Variants in SLIT3 observed in about 807,000 individuals in gnomAD.
SLIT3 encodes the protein slit guidance ligand 3.
Under a neutral mutation model 184.0 loss-of-function variants are expected in SLIT3, and 68 were observed. The observed-to-expected ratio is 0.37, with a 90% confidence interval of 0.30 to 0.45. SLIT3 has a LOEUF of 0.45. SLIT3 is among the 20% of genes least tolerant of loss of function. The pLI, the probability that SLIT3 is intolerant of heterozygous loss-of-function variation, is 1.00. For missense variants in SLIT3, 1,707 were observed against 2,026.0 expected, an observed-to-expected ratio of 0.84 and a Z score of 3.02; for synonymous variants, 831 against 828.6, an observed-to-expected ratio of 1.00 and a Z score of -0.05.
intron 4 of SLIT3, among the ~76,000 whole-genome samples, chr5:168,907,494 G>A (rs1581199313): frequency 1.3e-5 from 2 of 152,200 alleles, no homozygotes; most frequent in Admixed American, 1.3e-4. Flanking sequence ...ACCATGTTAA[G>A]TGCCATCAGT....
At chr5:168,773,063 C>A in intron 13 of SLIT3, 119 bp from the exon 14 acceptor site, 1 of 1,063,252 alleles carries the variant, frequency 9.4e-7, no homozygotes, top group Non-Finnish European at 1.3e-6. Flanking sequence ...CCTGCCTCAT[C>A]GCCCCAGGAA....
intron 3 of SLIT3, among the ~76,000 whole-genome samples, chr5:169,226,879 G>A (rs1248728368): frequency 6.6e-5 from 10 of 152,090 alleles, no homozygotes; most frequent in African/African-American, 1.2e-4. Context: ...CACTGGAGGC[G>A]GGTATTTTAA....
chr5:169,065,125 G>T (rs914511180), intron 4 of SLIT3, among the ~76,000 whole-genome samples: 1 of 152,200 alleles, frequency 6.6e-6, no homozygotes, highest in Admixed American at 6.5e-5. Flanking sequence ...AAGGTGCAAA[G>T]CGAAACCTGC....
chr5:168,908,778 C>A (rs1477600555), intron 4 of SLIT3, among the ~76,000 whole-genome samples: 2 of 152,146 alleles, frequency 1.3e-5, no homozygotes, highest in African/African-American at 4.8e-5. Context: ...TTCACTGCAA[C>A]CTTTATTACC....
rs115922599 is a variant in SLIT3, at chr5:168,710,171, A to C, written c.2719+724T>G. The stretch of plus-strand genomic sequence containing the variant: ...TATGGCTTGGTGATAAAGACTGCGC[A>C]TTCTGGAATCAGATGGACCTGGAAG... On this transcript the variant is annotated intron_variant, in intron 25 of 35. Coordinates refer to ENST00000519560, the MANE Select transcript of SLIT3 (RefSeq NM_003062.4). The C allele has an allele frequency of 4.2e-3, 647 of 152,348 alleles. 4 individuals are homozygous for C. Among genetic ancestry groups the C allele is most frequent in the African/African-American group, 0.015 (615 of 41,586 alleles). The allele number at this position is 152,348 out of a possible 1,614,324, so 9.4% of individuals were successfully genotyped here. A position where few individuals can be genotyped will look rare whatever the true frequency, so the allele number is the denominator to read the frequency against.
intron 9 of SLIT3, among the ~76,000 whole-genome samples, chr5:168,805,583 C>T (rs1174471642): frequency 6.6e-6 from 1 of 152,170 alleles, no homozygotes; most frequent in Non-Finnish European, 1.5e-5. Context: ...AGATACTGGC[C>T]ATTTTCTAAT....
rs548356073 is a variant in SLIT3 at position 169,102,304 on chromosome 5, A to G, written c.413+91175T>C. On this transcript the variant is annotated intron_variant, in intron 4 of 35. Transcript: ENST00000519560. Reference sequence around the variant, plus strand: ...CAAATCTCCTGATTTTTCAAAGAACATAGACATTTTTGGATTATATATATC... The same window carrying G: ...CAAATCTCCTGATTTTTCAAAGAACGTAGACATTTTTGGATTATATATATC... Among the ~76,000 whole-genome samples, 18 of 152,328 alleles carry G rather than the reference A, an allele frequency of 1.2e-4. No homozygotes were observed. In the South Asian group the frequency reaches 2.5e-3, roughly 21 times the overall value.
intron 1 of SLIT3, among the ~76,000 whole-genome samples, chr5:169,290,298 C>T (rs576107818): frequency 2.9e-4 from 40 of 139,562 alleles, no homozygotes; most frequent in African/African-American, 8.1e-4. Flanking sequence ...CGCTAGGGCG[C>T]GCACCAGGGC....
intron 4 of SLIT3, among the ~76,000 whole-genome samples, chr5:169,058,510 A>T (rs1758081009): frequency 6.6e-6 from 1 of 152,210 alleles, no homozygotes; most frequent in Admixed American, 6.5e-5. Flanking sequence ...CTGCTGCCTG[A>T]TATATGAGAT....
At chr5:169,206,065 C>T (rs756715726) in intron 3 of SLIT3, among the ~76,000 whole-genome samples, 10 of 152,294 alleles carry the variant, frequency 6.6e-5, no homozygotes, top group Non-Finnish European at 1.5e-4. Context: ...AAGGAAAAAG[C>T]AGATTGCCCC....
rs1373084072 is a variant in SLIT3, at chr5:168,802,722, C to G, written c.935+3724G>C. Among the ~76,000 whole-genome samples, 5 of 152,168 alleles carry G rather than the reference C, an allele frequency of 3.3e-5. No homozygotes were observed. The South Asian group carries it at 1.0e-3, about 31-fold the overall frequency. On this transcript the variant is annotated intron_variant, in intron 9 of 35. Transcript: ENST00000519560. The stretch of plus-strand genomic sequence containing the variant: ...CAGCTCCTAGGATGTGGTTTCTAAC[C>G]ATTGTCATCATCCTAATAAAGGTCG...
chr5:168,916,286 C>A (rs1761431231), intron 4 of SLIT3, among the ~76,000 whole-genome samples: 1 of 152,182 alleles, frequency 6.6e-6, no homozygotes, highest in South Asian at 2.1e-4. Flanking sequence ...GGAAGGGAGA[C>A]ACACACAGAG....
intron 4 of SLIT3, among the ~76,000 whole-genome samples, chr5:169,183,800 C>T (rs1467403532): frequency 1.3e-5 from 2 of 152,172 alleles, no homozygotes; most frequent in African/African-American, 2.4e-5. Flanking sequence ...GTTTATTCCC[C>T]CATATATCCC....
At chr5:168,819,096 A>G (rs17635284) in intron 7 of SLIT3, among the ~76,000 whole-genome samples, 20,099 of 152,224 alleles carry the variant, frequency 0.13, 1,766 homozygotes, top group South Asian at 0.31. Flanking sequence ...GGTCCCACGC[A>G]GTTCTCCCCT....
At chr5:169,026,842 T>G (rs777276228) in intron 4 of SLIT3, among the ~76,000 whole-genome samples, 4 of 152,004 alleles carry the variant, frequency 2.6e-5, no homozygotes, top group Admixed American at 6.5e-5. Context: ...TTAGATTGAC[T>G]TTTCAAGAAT....
rs1321312003 is a variant in SLIT3, at chr5:169,238,528, G to T, written c.341+6177C>A. 2.1e-5 allele frequency among the ~76,000 whole-genome samples: 3 copies of T among 145,314 alleles called. No homozygotes were observed. In the Admixed American group the frequency reaches 2.1e-4, roughly 10 times the overall value. ...ATAAATTTCCCTGTAGTTTTAGAAT[G>T]GAGCAGTGAAATAGCTTTTTTTTTT... On this transcript the variant is annotated intron_variant, in intron 3 of 35. Coordinates refer to ENST00000519560, the MANE Select transcript of SLIT3 (RefSeq NM_003062.4).
chr5:168,780,517 G>A (rs910444023), intron 12 of SLIT3, among the ~76,000 whole-genome samples: 1 of 152,220 alleles, frequency 6.6e-6, no homozygotes, highest in Non-Finnish European at 1.5e-5. Flanking sequence ...CCTTTAGTAG[G>A]AGAATTTACA....
At chr5:168,762,469 C>T (rs1445589454) in intron 15 of SLIT3, 70 bp downstream of exon 15, 2 of 1,554,036 alleles carry the variant, frequency 1.3e-6, no homozygotes, top group Non-Finnish European at 8.8e-7. Flanking sequence ...CCAGGAGACC[C>T]TGCCCACGCT....
chr5:168,786,905 T>A (rs1220365994), intron 11 of SLIT3, among the ~76,000 whole-genome samples: 1 of 152,166 alleles, frequency 6.6e-6, no homozygotes, highest in Non-Finnish European at 1.5e-5. Context: ...AGAGTTTGGT[T>A]GTTTTTCTTA....
Sources: allele counts gnomAD v4.1 joint callset (sites outside exome capture counted in the v4.1 genomes callset), GRCh38; gene constraint gnomAD v4.1.1; transcripts MANE v1.5; gene names NCBI Gene and HGNC (gene_info 2026-07-23, HGNC 2026-07-21).